PRR16: variants seen among roughly 807,000 people sequenced by gnomAD.
The protein encoded by PRR16 is proline rich 16, also known as protein Largen.
PRR16 carries 6 observed loss-of-function variants against 18.2 expected under a neutral mutation model. That is an observed-to-expected ratio of 0.33 (90% CI 0.18 to 0.65). The LOEUF is 0.65. PRR16 is among the 30% of genes least tolerant of loss of function. The pLI is 0.74. For missense variants in PRR16, 412 were observed against 376.6 expected (o/e 1.09, Z -0.78); for synonymous variants, 151 against 147.8 (o/e 1.02, Z -0.16).
the PRR16 span, among the ~76,000 whole-genome samples, chr5:120,767,544 GT>G: frequency 1.3e-5 from 2 of 151,900 alleles, no homozygotes; most frequent in Non-Finnish European, 2.9e-5. Flanking sequence ...AATTTGAAGA[GT>G]CAAAGATTTT....
intron 1 of PRR16, among the ~76,000 whole-genome samples, chr5:120,681,401 A>G (rs1756969542): frequency 6.6e-6 from 1 of 152,216 alleles, no homozygotes; most frequent in African/African-American, 2.4e-5. Context: ...TCACACACAC[A>G]ACAAAGACAA....
chr5:120,650,532 T>A (rs1580832078), intron 1 of PRR16, among the ~76,000 whole-genome samples: 1 of 139,258 alleles, frequency 7.2e-6, no homozygotes, highest in African/African-American at 2.7e-5. Flanking sequence ...CCTGTGTCCA[T>A]GTGTTCTCAT....
At chr5:120,563,816 A>G (rs1752650930) in intron 1 of PRR16, among the ~76,000 whole-genome samples, 1 of 151,946 alleles carries the variant, frequency 6.6e-6, no homozygotes, top group Non-Finnish European at 1.5e-5. Context: ...GCTTTCTCAA[A>G]CAGAGGAACT....
At chr5:120,714,050 A>C in the PRR16 span, among the ~76,000 whole-genome samples, 1 of 152,110 alleles carries the variant, frequency 6.6e-6, no homozygotes, top group East Asian at 1.9e-4. Flanking sequence ...ATTATAAGGA[A>C]AAATTCTGTA....
At chr5:120,643,229 ATTGT>A (rs1455044654) in intron 1 of PRR16, among the ~76,000 whole-genome samples, 1 of 151,856 alleles carries the variant, frequency 6.6e-6, no homozygotes, top group Non-Finnish European at 1.5e-5. Flanking sequence ...TCCTTTTCAA[ATTGT>A]TTGAGACCCA....
At chr5:120,632,908 T>A (rs1755105498) in intron 1 of PRR16, among the ~76,000 whole-genome samples, 2 of 152,110 alleles carry the variant, frequency 1.3e-5, no homozygotes, top group Admixed American at 1.3e-4. Context: ...GTAAAAAGAT[T>A]GTCACCTAGG....
the PRR16 span, among the ~76,000 whole-genome samples, chr5:120,718,717 G>A: frequency 2.2e-4 from 34 of 152,178 alleles, no homozygotes; most frequent in East Asian, 3.3e-3. Flanking sequence ...AGTGCATGGG[G>A]GTGAACCTAG....
chr5:120,483,804 G>A (rs62376366), intron 1 of PRR16, among the ~76,000 whole-genome samples: 1 of 151,916 alleles, frequency 6.6e-6, no homozygotes, highest in African/African-American at 2.4e-5. Flanking sequence ...TAACAAATCT[G>A]GCCAAGAACC....
intron 1 of PRR16, among the ~76,000 whole-genome samples, chr5:120,498,053 T>TA (rs1750318216): frequency 6.6e-6 from 1 of 151,318 alleles, no homozygotes; most frequent in African/African-American, 2.4e-5. Flanking sequence ...GGTTTATGTA[T>TA]GCCATTTTAA....
At chr5:120,500,939 C>A (rs924068925) in intron 1 of PRR16, among the ~76,000 whole-genome samples, 1 of 151,730 alleles carries the variant, frequency 6.6e-6, no homozygotes, top group South Asian at 2.1e-4. Context: ...ATAACACTCC[C>A]TTTTTTGTTT....
intron 1 of PRR16, among the ~76,000 whole-genome samples, chr5:120,667,134 C>T (rs942376289): frequency 3.3e-5 from 5 of 152,210 alleles, no homozygotes; most frequent in African/African-American, 1.2e-4. Flanking sequence ...CCACAATTTC[C>T]GATCCTGTTA....
chr5:120,520,476 A>G (rs1357779129), intron 1 of PRR16, among the ~76,000 whole-genome samples: 1 of 152,242 alleles, frequency 6.6e-6, no homozygotes, highest in Non-Finnish European at 1.5e-5. Flanking sequence ...ATAAGAAGGA[A>G]GCAAGACAAA....
At chr5:120,525,013 A>G (rs190972266) in intron 1 of PRR16, among the ~76,000 whole-genome samples, 16 of 152,086 alleles carry the variant, frequency 1.1e-4, no homozygotes, top group African/African-American at 3.6e-4. Context: ...AGGTCTTTCA[A>G]TCCTCTTTTG....
At chr5:120,738,427 C>T in the PRR16 span, among the ~76,000 whole-genome samples, 1 of 152,072 alleles carries the variant, frequency 6.6e-6, no homozygotes, top group East Asian at 1.9e-4. Flanking sequence ...TTTTATTTCA[C>T]ATTTTTTCTT....
At chr5:120,484,894 T>C (rs1348102254) in intron 1 of PRR16, among the ~76,000 whole-genome samples, 2 of 151,538 alleles carry the variant, frequency 1.3e-5, no homozygotes, top group East Asian at 1.9e-4. Context: ...TACATACATA[T>C]ATTTTAATGT....
At chr5:120,657,057 G>C (rs1756004280) in intron 1 of PRR16, among the ~76,000 whole-genome samples, 1 of 151,880 alleles carries the variant, frequency 6.6e-6, no homozygotes, top group Non-Finnish European at 1.5e-5. Context: ...TTGCACCTCA[G>C]TTATTTTTAT....
chr5:120,505,751 CAAAT>C (rs141445760), intron 1 of PRR16, among the ~76,000 whole-genome samples: 29,192 of 151,656 alleles, frequency 0.19, 2,968 homozygotes, highest in African/African-American at 0.24. Context: ...AGCTATAAAA[CAAAT>C]AAATTTTCAT....
intron 1 of PRR16, among the ~76,000 whole-genome samples, chr5:120,501,462 A>T (rs1750450906): frequency 6.6e-6 from 1 of 152,194 alleles, no homozygotes; most frequent in East Asian, 1.9e-4. Flanking sequence ...TGATGACGAT[A>T]AAAGTAAAAA....
At chr5:120,646,074 A>ATATATATATATATATC (rs1475860368) in intron 1 of PRR16, among the ~76,000 whole-genome samples, 1 of 136,350 alleles carries the variant, frequency 7.3e-6, no homozygotes, top group Non-Finnish European at 1.6e-5. Flanking sequence ...ATATATATAT[A>ATATATATATATATATC]TCATAGTTTC....
Sources: gnomAD v4.1 joint callset for allele counts (sites outside exome capture counted in the v4.1 genomes callset) on GRCh38, gnomAD v4.1.1 for gene constraint, MANE v1.5 for transcripts, NCBI Gene and HGNC (gene_info 2026-07-23, HGNC 2026-07-21) for gene names.